PLEKHG5: variants seen among roughly 807,000 people sequenced by gnomAD.
The protein encoded by PLEKHG5 is pleckstrin homology domain-containing family G member 5.
Under a neutral mutation model 103.8 loss-of-function variants are expected in PLEKHG5, and 52 were observed. That is an observed-to-expected ratio of 0.50 (90% CI 0.40 to 0.63). The LOEUF is 0.63. Among genes scored for constraint, PLEKHG5 ranks in the 30% least tolerant of loss-of-function variants. PLEKHG5 has a pLI of 0.00. For missense variants in PLEKHG5, 1,205 were observed against 1,347.6 expected (o/e 0.89, Z 1.66); for synonymous variants, 592 against 575.5 (o/e 1.03, Z -0.41).
chr1:6,497,110 C>A, upstream of PLEKHG5: 2 of 1,435,902 alleles, frequency 1.4e-6, no homozygotes, highest in Non-Finnish European at 9.3e-7. The surrounding 1 kb of genome is among the most constrained non-coding windows in gnomAD (Gnocchi z 6.1). Context: ...GGCAGAGCGG[C>A]GCAACCAGCG....
intron 1 of PLEKHG5, among the ~76,000 whole-genome samples, chr1:6,479,930 T>C (rs1386213468): frequency 6.6e-6 from 1 of 152,104 alleles, no homozygotes; most frequent in East Asian, 1.9e-4. Context: ...ATTTTGGAAG[T>C]CTTCGAGCCA....
intron 2 of PLEKHG5, among the ~76,000 whole-genome samples, chr1:6,476,394 T>C (rs1644766323): frequency 6.6e-6 from 1 of 152,104 alleles, no homozygotes; most frequent in South Asian, 2.1e-4. Flanking sequence ...GGTTTCAACA[T>C]GTTGGCCAGG....
At position 6,501,794 on chromosome 1, in the gene PLEKHG5, GT is replaced by G. The variant is rs1262145721; in HGVS notation, c.-164-5226del. On this transcript the variant is annotated intron_variant, in intron 1 of 21. Transcript: ENST00000377740. This position sits in a 1 kb window ranked among gnomAD's most constrained non-coding sequence, Gnocchi z 4.3. ...TTAGCTGTCTGGAAAACGTGAATTG[GT>G]CCCCCCATCATGACATGAGTGTCCC... Among the ~76,000 whole-genome samples, 1 of 152,148 alleles carries G rather than the reference GT, an allele frequency of 6.6e-6. No homozygotes were observed. Among genetic ancestry groups the G allele is most frequent in the Non-Finnish European group, 1.5e-5 (1 of 68,026 alleles).
Position 6,505,483 on chromosome 1 carries a change from C to G in PLEKHG5, c.-164-8914G>C, listed in dbSNP as rs1638288350. On this transcript the variant is annotated intron_variant, in intron 1 of 21. Coordinates refer to the PLEKHG5 transcript ENST00000377740. This position sits in a 1 kb window ranked among gnomAD's most constrained non-coding sequence, Gnocchi z 4.2. Reference sequence around the variant, plus strand: ...CCATTCACAGCTCCCCAACCTCTCACCCCCAGGAGCAGTCCAACGTCCCAC... The same window carrying G: ...CCATTCACAGCTCCCCAACCTCTCAGCCCCAGGAGCAGTCCAACGTCCCAC... Among the ~76,000 whole-genome samples, 2 of 152,170 alleles carry G rather than the reference C, an allele frequency of 1.3e-5. No homozygotes were observed. The highest frequency in any genetic ancestry group is 4.8e-5 in the African/African-American group (2 of 41,446).
intron 1 of PLEKHG5, among the ~76,000 whole-genome samples, chr1:6,510,500 G>A (rs1417910346): frequency 2.0e-5 from 3 of 152,126 alleles, no homozygotes; most frequent in Non-Finnish European, 4.4e-5. Flanking sequence ...CTGAGGCAGA[G>A]AATTGCTTTA....
Position 6,468,552 on chromosome 1 carries a change from C to T in PLEKHG5, c.2284G>A (p.Val762Ile), listed in dbSNP as rs1644466553. Residue 762 changes from valine (V) to isoleucine (I), a missense_variant, in exon 20 of 21, where the codon GTT becomes ATT. Transcript: ENST00000377728. Reference sequence around the variant, plus strand: ...AGCGTGTCCCCAGGCTCTACCACAACCATGGCCAGGGTCTCCGTGGAGCCA... The same window carrying T: ...AGCGTGTCCCCAGGCTCTACCACAATCATGGCCAGGGTCTCCGTGGAGCCA... ...SDGSTETLAM[V>I]VVEPGDTLSS... is the part of the protein sequence containing the mutation. 6.8e-6 allele frequency: 11 copies of T among 1,612,862 alleles called. No homozygotes were observed. Among genetic ancestry groups the T allele is most frequent in the Non-Finnish European group, 8.5e-6 (10 of 1,179,986 alleles).
At chr1:6,468,975 C>T in intron 19 of PLEKHG5, 67 bp downstream of exon 19, 1 of 1,341,790 alleles carries the variant, frequency 7.5e-7, no homozygotes, top group South Asian at 1.2e-5. Flanking sequence ...GTGGCTGGGC[C>T]TTCAGGAGTC....
intron 2 of PLEKHG5, 152 bp from the exon 3 acceptor site, chr1:6,476,188 A>G: frequency 2.8e-6 from 2 of 719,116 alleles, no homozygotes; most frequent in Non-Finnish European, 4.9e-6. Flanking sequence ...GGGCTCAGTC[A>G]TTGTTTTTTG....
intron 1 of PLEKHG5, among the ~76,000 whole-genome samples, chr1:6,488,489 T>A (rs560732936): frequency 3.5e-4 from 53 of 152,302 alleles, no homozygotes; most frequent in African/African-American, 1.2e-3. Flanking sequence ...CCAGGTTGCA[T>A]CAAGTGGAGA....
chr1:6,467,730 C>T, intron 20 of PLEKHG5, 95 bp downstream of exon 20: 2 of 1,533,544 alleles, frequency 1.3e-6, no homozygotes, highest in South Asian at 1.1e-5. Context: ...GCTCCCTCCG[C>T]CATGACCCTC....
intron 1 of PLEKHG5, among the ~76,000 whole-genome samples, chr1:6,504,936 C>T (rs541092236): frequency 5.3e-5 from 8 of 152,152 alleles, no homozygotes; most frequent in South Asian, 2.1e-4. Context: ...CAATGTGGAC[C>T]GCAGGCTGAA....
chr1:6,516,889 CAT>C (rs777665034), intron 1 of PLEKHG5, among the ~76,000 whole-genome samples: 550 of 37,792 alleles, frequency 0.015, 10 homozygotes, highest in African/African-American at 0.039. Flanking sequence ...TATATATACA[CAT>C]ATATATATAT....
chr1:6,518,179 G>A (rs888059068), intron 1 of PLEKHG5, among the ~76,000 whole-genome samples: 13 of 151,886 alleles, frequency 8.6e-5, no homozygotes, highest in South Asian at 4.2e-4. Context: ...TGATCCGCCC[G>A]CCTCAGCCTC....
At chr1:6,472,375 C>T (rs2148586681) in intron 10 of PLEKHG5, 152 bp downstream of exon 10, 1 of 682,106 alleles carries the variant, frequency 1.5e-6, no homozygotes, top group East Asian at 2.7e-5. Context: ...CTCTAGGAGG[C>T]ACCTCCTCCC....
chr1:6,484,700 C>T (rs1644983007), intron 1 of PLEKHG5, among the ~76,000 whole-genome samples: 1 of 152,166 alleles, frequency 6.6e-6, no homozygotes, highest in Non-Finnish European at 1.5e-5. Flanking sequence ...CTGCCCCTCC[C>T]TCACCTGCCT....
upstream of PLEKHG5, chr1:6,497,425 G>T: frequency 1.1e-6 from 1 of 921,772 alleles, no homozygotes; most frequent in Non-Finnish European, 1.3e-6. The surrounding 1 kb of genome is among the most constrained non-coding windows in gnomAD (Gnocchi z 6.1). Context: ...ACCCTCGCAC[G>T]GGAGGCGGGC....
chr1:6,513,571 G>T (rs143897611), intron 1 of PLEKHG5, among the ~76,000 whole-genome samples: 2 of 152,238 alleles, frequency 1.3e-5, no homozygotes, highest in African/African-American at 2.4e-5. Flanking sequence ...ACTGCCAGCT[G>T]CTGGCCACTG....
Position 6,467,456 on chromosome 1 carries a change from G to T in PLEKHG5, c.*107C>A. ...TAGGCAGGGATCCTGCCCAGCATCC[G>T]GCTCATGCATACAGGAGGCAGTAGC... On this transcript the variant is annotated 3_prime_UTR_variant, in exon 21 of 21. Coordinates refer to ENST00000377728, the MANE Select transcript of PLEKHG5 (RefSeq NM_020631.6). 9.0e-7 allele frequency: 1 copy of T among 1,111,916 alleles called. No individual in the cohort carries two copies. Among genetic ancestry groups the T allele is most frequent in the Non-Finnish European group, 1.4e-6 (1 of 723,634 alleles). 68.9% of individuals were successfully genotyped at this position (1,111,916 alleles called of 1,614,324 possible).
chr1:6,469,488 G>T (rs770263345), intron 17 of PLEKHG5, 38 bp from the exon 18 acceptor site: 1 of 1,613,542 alleles, frequency 6.2e-7, no homozygotes, highest in Non-Finnish European at 8.5e-7. Context: ...CAGCAGAGAC[G>T]ATGGCCCCCA....
Sources: gnomAD v4.1 joint callset for allele counts (sites outside exome capture counted in the v4.1 genomes callset) on GRCh38, gnomAD v4.1.1 for gene constraint, Gnocchi (gnomAD v3.1) non-coding constraint, MANE v1.5 for transcripts, NCBI Gene and HGNC (gene_info 2026-07-23, HGNC 2026-07-21) for gene names.